The following NALF1 variants were observed in gnomAD, a reference collection of about 807,000 sequenced individuals.
The protein encoded by NALF1 is NALCN channel auxiliary factor 1.
In NALF1, 3 loss-of-function variants were observed where a neutral mutation model predicts 48.4. The ratio of observed to expected loss-of-function variants is 0.06; its 90% CI spans 0.03 to 0.16. The LOEUF (loss-of-function observed/expected upper bound fraction) is 0.16. NALF1 is among the 10% of genes least tolerant of loss of function. The pLI, the probability that NALF1 is intolerant of heterozygous loss-of-function variation, is 1.00. For synonymous variants in NALF1, 262 were observed against 245.7 expected (o/e 1.07, Z -0.62); for missense variants, 526 against 571.5 (o/e 0.92, Z 0.81).
intron 1 of NALF1, among the ~76,000 whole-genome samples, chr13:107,550,905 A>AC (rs964805651): frequency 2.0e-5 from 3 of 151,932 alleles, no homozygotes; most frequent in African/African-American, 4.8e-5. Context: ...CATTCAGAAA[A>AC]AAAAAAAACT....
chr13:107,703,913 TA>T (rs768410805), intron 1 of NALF1, among the ~76,000 whole-genome samples: 1 of 152,158 alleles, frequency 6.6e-6, no homozygotes, highest in Non-Finnish European at 1.5e-5. Context: ...GAAATAGAGG[TA>T]AACATTTATT....
At chr13:107,688,011 A>T (rs7318346) in intron 1 of NALF1, among the ~76,000 whole-genome samples, 55,249 of 152,108 alleles carry the variant, frequency 0.36, 10,436 homozygotes, top group East Asian at 0.44. Flanking sequence ...TTAACATTTT[A>T]AAAATAAAGT....
chr13:107,700,420 T>C (rs1030613809), intron 1 of NALF1, among the ~76,000 whole-genome samples: 8 of 151,916 alleles, frequency 5.3e-5, no homozygotes, highest in African/African-American at 1.9e-4. Flanking sequence ...AAGTAAATGA[T>C]GCTGAGAAAA....
chr13:107,849,463 G>A (rs1815360732), intron 1 of NALF1, among the ~76,000 whole-genome samples: 1 of 152,196 alleles, frequency 6.6e-6, no homozygotes, highest in Non-Finnish European at 1.5e-5. Context: ...TCACCCACAT[G>A]TCTGGTGCAT....
chr13:107,432,990 G>A (rs1021312800), intron 1 of NALF1, among the ~76,000 whole-genome samples: 4 of 152,092 alleles, frequency 2.6e-5, no homozygotes, highest in African/African-American at 7.2e-5. Flanking sequence ...CACACCTTTT[G>A]ACTCTTTTTC....
intron 1 of NALF1, among the ~76,000 whole-genome samples, chr13:107,313,748 A>G (rs1038386861): frequency 3.3e-5 from 5 of 152,200 alleles, no homozygotes; most frequent in African/African-American, 4.8e-5. Flanking sequence ...CGTAAATTGT[A>G]TATTTAGTGA....
chr13:107,293,318 T>C (rs1204493448), intron 1 of NALF1, among the ~76,000 whole-genome samples: 1 of 152,162 alleles, frequency 6.6e-6, no homozygotes, highest in Admixed American at 6.5e-5. Flanking sequence ...ATCGTACATG[T>C]GGTCCATTGT....
chr13:107,686,663 A>G (rs1227089713), intron 1 of NALF1, among the ~76,000 whole-genome samples: 1 of 152,188 alleles, frequency 6.6e-6, no homozygotes, highest in African/African-American at 2.4e-5. Context: ...GTACTTCTCC[A>G]AAGAAGACAT....
chr13:107,387,184 G>A (rs549835238), intron 1 of NALF1, among the ~76,000 whole-genome samples: 1 of 152,190 alleles, frequency 6.6e-6, no homozygotes, highest in South Asian at 2.1e-4. Flanking sequence ...CGGTCCTAAT[G>A]GAAATTGAAT....
At chr13:107,490,607 T>C (rs898416189) in intron 1 of NALF1, among the ~76,000 whole-genome samples, 3 of 152,052 alleles carry the variant, frequency 2.0e-5, no homozygotes, top group Non-Finnish European at 4.4e-5. Flanking sequence ...AAATAACTAA[T>C]GGGTACGAGG....
intron 1 of NALF1, among the ~76,000 whole-genome samples, chr13:107,283,477 G>A (rs1881428831): frequency 6.6e-6 from 1 of 151,804 alleles, no homozygotes; most frequent in African/African-American, 2.4e-5. Context: ...AACACAAATC[G>A]GTTAAAAAAA....
rs139571750 is a variant in NALF1 at position 107,372,543 on chromosome 13, G to A, written c.916-161788C>T. 1.7e-3 allele frequency among the ~76,000 whole-genome samples: 256 copies of A among 152,288 alleles called. 2 individuals carry two copies. Among genetic ancestry groups the A allele is most frequent in the African/African-American group, 5.8e-3 (241 of 41,562 alleles). ...CCCTCTAGGCATTTGAAATATAGCA[G>A]AGAATAAATATTTAATGAAATTTCA... On this transcript the variant is annotated intron_variant, in intron 1 of 2. Coordinates refer to ENST00000375915, the MANE Select transcript of NALF1 (RefSeq NM_001080396.3).
chr13:107,417,946 A>G (rs9587384), intron 1 of NALF1, among the ~76,000 whole-genome samples: 34,403 of 151,990 alleles, frequency 0.23, 4,231 homozygotes, highest in Middle Eastern at 0.28. Context: ...CTGTAATCCC[A>G]GCTACTCAGG....
intron 1 of NALF1, among the ~76,000 whole-genome samples, chr13:107,478,243 T>C (rs1312089265): frequency 6.6e-6 from 1 of 152,144 alleles, no homozygotes; most frequent in Non-Finnish European, 1.5e-5. Flanking sequence ...AAATGTGCAT[T>C]TTTGATGTGA....
intron 1 of NALF1, among the ~76,000 whole-genome samples, chr13:107,701,302 G>A (rs550623435): frequency 6.6e-6 from 1 of 152,228 alleles, no homozygotes; most frequent in Non-Finnish European, 1.5e-5. Context: ...ATACTATTCA[G>A]CTTTTAAAAA....
At chr13:107,376,788 A>G (rs1883347246) in intron 1 of NALF1, among the ~76,000 whole-genome samples, 1 of 152,204 alleles carries the variant, frequency 6.6e-6, no homozygotes, top group South Asian at 2.1e-4. Flanking sequence ...AAGGATAAAC[A>G]TTTAGCTACT....
At chr13:107,677,208 A>G (rs1198666356) in intron 1 of NALF1, among the ~76,000 whole-genome samples, 2 of 152,134 alleles carry the variant, frequency 1.3e-5, no homozygotes. Flanking sequence ...CACCACACTC[A>G]GCTAAGTTGT....
At chr13:107,285,512 C>T (rs1881475718) in intron 1 of NALF1, among the ~76,000 whole-genome samples, 1 of 152,140 alleles carries the variant, frequency 6.6e-6, no homozygotes, top group African/African-American at 2.4e-5. Context: ...CAAATGAAAA[C>T]CCACTGTGTA....
At position 107,438,827 on chromosome 13, in the gene NALF1, CAAAAAAAA is replaced by C. The variant is rs61686895; in HGVS notation, c.916-228080_916-228073del. Among the ~76,000 whole-genome samples, 16 of 17,958 alleles carry C rather than the reference CAAAAAAAA, an allele frequency of 8.9e-4. No individual in the cohort carries two copies. The South Asian group carries it at 0.011, about 12-fold the overall frequency. The allele number at this position is 17,958 out of a possible 152,430, so 11.8% of individuals were successfully genotyped here. On this transcript the variant is annotated intron_variant, in intron 1 of 2. Transcript: ENST00000375915. ...TGGATGACAGAGTGAGACTCCATCT[CAAAAAAAA>C]AAAAAAAAAAAAAAAAGAATAATAT...
Sources: gnomAD v4.1 joint callset for allele counts (sites outside exome capture counted in the v4.1 genomes callset) on GRCh38, gnomAD v4.1.1 for gene constraint, MANE v1.5 for transcripts, NCBI Gene and HGNC (gene_info 2026-07-23, HGNC 2026-07-21) for gene names.